NCKAP5: variants seen among roughly 807,000 people sequenced by gnomAD.
NCKAP5 encodes the protein NCK associated protein 5, also known as nck-associated protein 5.
NCKAP5 carries 92 observed loss-of-function variants against 167.0 expected under a neutral mutation model. That is an observed-to-expected ratio of 0.55 (90% CI 0.47 to 0.66). The LOEUF is 0.66. Among genes scored for constraint, NCKAP5 ranks in the 30% least tolerant of loss-of-function variants. The probability of loss-of-function intolerance (pLI) is 0.00; values close to 1 mark genes in which losing one functional copy is unlikely to be tolerated. For synonymous variants in NCKAP5, 891 were observed against 877.4 expected (o/e 1.02, Z -0.27); for missense variants, 2,378 against 2,315.0 (o/e 1.03, Z -0.56).
intron 6 of NCKAP5, among the ~76,000 whole-genome samples, chr2:133,003,929 C>T (rs115487024): frequency 0.012 from 1,880 of 152,222 alleles, 25 homozygotes; most frequent in African/African-American, 0.034. Flanking sequence ...GCTAACTGCA[C>T]GGAGAGAGGC....
At chr2:133,667,861 A>G in the NCKAP5 span, among the ~76,000 whole-genome samples, 1 of 151,986 alleles carries the variant, frequency 6.6e-6, no homozygotes, top group Non-Finnish European at 1.5e-5. Flanking sequence ...ACAGAGTTGT[A>G]CTATCAGCAC....
chr2:132,782,765 T>G lies in NCKAP5; in HGVS notation c.4046A>C (p.Lys1349Thr), dbSNP rs771793493. Residue 1349 changes from lysine (K) to threonine (T), a missense_variant, in exon 14 of 20, where the codon AAG (lysine) becomes ACG (threonine). By Grantham distance (78) the Lys-to-Thr change is moderately conservative. Coordinates refer to ENST00000409261, the MANE Select transcript of NCKAP5 (RefSeq NM_207363.3). ...GCTGCCTGAGCTCCCCAGGGAGCCC[T>G]TCCCGGAGGAGGGGTGCCCCGAGGG... ...GRPSGHPSSG[K>T]GSLGSSGSFS... 1 of 1,613,884 alleles carries G rather than the reference T, an allele frequency of 6.2e-7. No individual in the cohort carries two copies. Among genetic ancestry groups the G allele is most frequent in the East Asian group, 2.2e-5 (1 of 44,854 alleles).
At chr2:133,227,947 AG>A (rs1230330996) in intron 4 of NCKAP5, among the ~76,000 whole-genome samples, 1 of 152,216 alleles carries the variant, frequency 6.6e-6, no homozygotes, top group African/African-American at 2.4e-5. Context: ...GGTAAGCAGC[AG>A]GGGTCTCTGC....
intron 4 of NCKAP5, among the ~76,000 whole-genome samples, chr2:133,256,706 T>C (rs2088635774): frequency 6.6e-6 from 1 of 152,214 alleles, no homozygotes; most frequent in Admixed American, 6.5e-5. Flanking sequence ...GTTGTCACTC[T>C]ACAATTAATG....
intron 7 of NCKAP5, among the ~76,000 whole-genome samples, chr2:132,974,369 C>T (rs1427973756): frequency 6.6e-6 from 1 of 152,118 alleles, no homozygotes; most frequent in East Asian, 1.9e-4. Flanking sequence ...TATGCTCTTT[C>T]CAGAACACAA....
At chr2:132,723,885 T>C (rs1307227416) in intron 19 of NCKAP5, among the ~76,000 whole-genome samples, 1 of 152,242 alleles carries the variant, frequency 6.6e-6, no homozygotes, top group Non-Finnish European at 1.5e-5. Context: ...TTGCACGTCA[T>C]GCCACTCCTG....
intron 6 of NCKAP5, among the ~76,000 whole-genome samples, chr2:133,107,382 A>G (rs2081744159): frequency 6.6e-6 from 1 of 152,244 alleles, no homozygotes; most frequent in Non-Finnish European, 1.5e-5. Context: ...ACTTAGTAAA[A>G]TTCACATTTT....
chr2:133,583,092 C>G, the NCKAP5 span, among the ~76,000 whole-genome samples: 1 of 151,410 alleles, frequency 6.6e-6, no homozygotes, highest in Admixed American at 6.6e-5. Context: ...TGGAATTGAT[C>G]AAAAGGAAAT....
At chr2:133,295,989 A>C (rs1222590100) in intron 4 of NCKAP5, among the ~76,000 whole-genome samples, 1 of 152,164 alleles carries the variant, frequency 6.6e-6, no homozygotes, top group East Asian at 1.9e-4. Flanking sequence ...CCTTTCCTGA[A>C]ACAAGCCCCT....
chr2:132,993,659 A>C (rs537936312), intron 7 of NCKAP5, among the ~76,000 whole-genome samples: 1 of 152,276 alleles, frequency 6.6e-6, no homozygotes, highest in East Asian at 1.9e-4. Context: ...TATTCTCCAC[A>C]AGCCTGCTGT....
chr2:132,940,011 T>C lies in NCKAP5; in HGVS notation c.579+23709A>G, dbSNP rs541037773. 4.6e-5 allele frequency among the ~76,000 whole-genome samples: 7 copies of C among 152,162 alleles called. No homozygotes were observed. The East Asian group carries it at 7.7e-4, about 17-fold the overall frequency. On this transcript the variant is annotated intron_variant, in intron 8 of 19. Coordinates refer to ENST00000409261, the MANE Select transcript of NCKAP5 (RefSeq NM_207363.3). ...GATGCTGTCTAAAAATATGTATATA[T>C]ACATAGTAGTCTTTTATCCCTCACC... is the stretch of plus-strand genomic sequence containing the variant.
chr2:133,270,913 T>A lies in NCKAP5; in HGVS notation c.143+32124A>T, dbSNP rs944673177. 3.5e-3 allele frequency among the ~76,000 whole-genome samples: 364 copies of A among 103,264 alleles called. 4 individuals are homozygous for A. The highest frequency in any genetic ancestry group is 0.013 in the African/African-American group (356 of 28,198). 67.7% of individuals were successfully genotyped at this position (103,264 alleles called of 152,430 possible). ...TACTTTTGTTTTTTGTTGCTTCAAA[T>A]TTTTTTTTTTTTTTTTTCTTTTTTG... On this transcript the variant is annotated intron_variant, in intron 4 of 19. Transcript: ENST00000409261.
intron 11 of NCKAP5, among the ~76,000 whole-genome samples, chr2:132,830,252 T>C (rs920912498): frequency 1.3e-5 from 2 of 152,156 alleles, no homozygotes; most frequent in African/African-American, 2.4e-5. Context: ...TACAGAGCAG[T>C]AAAAGTTATC....
intron 4 of NCKAP5, among the ~76,000 whole-genome samples, chr2:133,290,700 T>C (rs1267109804): frequency 1.3e-5 from 2 of 151,084 alleles, no homozygotes; most frequent in Non-Finnish European, 2.9e-5. Flanking sequence ...TCATCCCTAA[T>C]GAACATATGA....
the NCKAP5 span, among the ~76,000 whole-genome samples, chr2:133,587,149 A>G: frequency 1.3e-5 from 2 of 152,134 alleles, no homozygotes; most frequent in African/African-American, 2.4e-5. Context: ...TCACTATGAT[A>G]TCAGTCATCA....
rs1391201515 is a variant in NCKAP5 at position 133,123,746 on chromosome 2, C to T, written c.341+6232G>A. ...AGAGGAGAAGAGCTCTGTGCTGATG[C>T]TTGTCCAAAGGTCAATTGACAGCTT... On this transcript the variant is annotated intron_variant, in intron 6 of 19. Coordinates refer to ENST00000409261, the MANE Select transcript of NCKAP5 (RefSeq NM_207363.3). The T allele has an allele frequency of 6.4e-6, 3 of 470,930 alleles. No homozygotes were observed. In the Admixed American group the frequency reaches 7.0e-5, roughly 11 times the overall value. The allele number at this position is 470,930 out of a possible 1,614,324, so 29.2% of individuals were successfully genotyped here.
At chr2:133,312,565 G>A (rs1207129913) in intron 3 of NCKAP5, among the ~76,000 whole-genome samples, 2 of 152,088 alleles carry the variant, frequency 1.3e-5, no homozygotes, top group African/African-American at 2.4e-5. Flanking sequence ...ACAAGACACT[G>A]CCTATTGTGC....
intron 4 of NCKAP5, among the ~76,000 whole-genome samples, chr2:133,247,059 A>G (rs763169210): frequency 6.6e-6 from 1 of 152,238 alleles, no homozygotes; most frequent in African/African-American, 2.4e-5. Context: ...AGGCCTTGCA[A>G]ATAGAATCAT....
chr2:133,249,120 G>A (rs1012404892), intron 4 of NCKAP5, among the ~76,000 whole-genome samples: 1 of 151,412 alleles, frequency 6.6e-6, no homozygotes, highest in Admixed American at 6.6e-5. Context: ...CCACCCAATA[G>A]GTCTGCATTC....
Sources: gnomAD v4.1 joint callset for allele counts (sites outside exome capture counted in the v4.1 genomes callset) on GRCh38, gnomAD v4.1.1 for gene constraint, MANE v1.5 for transcripts, NCBI Gene and HGNC (gene_info 2026-07-23, HGNC 2026-07-21) for gene names.